Variants in USP26 observed in about 807,000 individuals in gnomAD.
USP26 encodes the protein ubiquitin carboxyl-terminal hydrolase 26.
For synonymous variants in USP26, 236 were observed against 240.6 expected, an observed-to-expected ratio of 0.98 and a Z score of 0.18; for missense variants, 649 against 642.3, an observed-to-expected ratio of 1.01 and a Z score of -0.11.
At chrX:133,037,781 T>C (rs777709476) in intron 5 of USP26, among the ~76,000 whole-genome samples, 1 of 112,098 alleles carries the variant, frequency 8.9e-6, no homozygotes, top group African/African-American at 3.2e-5. Flanking sequence ...GTCATGTTCA[T>C]ACTGATTCTT....
intron 5 of USP26, among the ~76,000 whole-genome samples, chrX:133,040,113 A>C (rs1386313505): frequency 9.0e-6 from 1 of 111,626 alleles, no homozygotes; most frequent in Non-Finnish European, 1.9e-5. Context: ...CCTCTTGAAT[A>C]CAGCACACTG....
intron 5 of USP26, among the ~76,000 whole-genome samples, chrX:133,043,744 A>G (rs1474447533): frequency 9.0e-6 from 1 of 111,562 alleles, no homozygotes; most frequent in East Asian, 2.8e-4. Flanking sequence ...CATCTCTACG[A>G]AAAATAGAAA....
chrX:133,085,497 A>C, intron 4 of USP26, among the ~76,000 whole-genome samples: 1 of 111,705 alleles, frequency 9.0e-6, no homozygotes, highest in Non-Finnish European at 1.9e-5. Context: ...CATCAAGCCA[A>C]ATGAACAGAA....
intron 5 of USP26, among the ~76,000 whole-genome samples, chrX:133,057,209 C>A (rs2067478436): frequency 9.0e-6 from 1 of 111,640 alleles, no homozygotes; most frequent in Non-Finnish European, 1.9e-5. Context: ...TTAAGCCCTG[C>A]ATGCATTAGG....
intron 4 of USP26, among the ~76,000 whole-genome samples, chrX:133,087,312 A>T (rs2067593070): frequency 8.9e-6 from 1 of 112,498 alleles, no homozygotes; most frequent in Non-Finnish European, 1.9e-5. Flanking sequence ...TAGAACAAAT[A>T]TGGATATTTT....
intron 5 of USP26, among the ~76,000 whole-genome samples, chrX:133,077,851 G>A (rs764220819): frequency 1.9e-4 from 21 of 111,717 alleles, no homozygotes; most frequent in Non-Finnish European, 3.0e-4. Flanking sequence ...AGAGGCCAAG[G>A]CGGGCAGATC....
chrX:133,080,006 G>T (rs2067564382), intron 5 of USP26, among the ~76,000 whole-genome samples: 1 of 111,356 alleles, frequency 9.0e-6, no homozygotes, highest in African/African-American at 3.3e-5. Flanking sequence ...TATGGAATTA[G>T]TGTCCAGAGG....
chrX:133,047,039 G>A (rs971520477), intron 5 of USP26, among the ~76,000 whole-genome samples: 10 of 111,890 alleles, frequency 8.9e-5, no homozygotes, highest in East Asian at 8.4e-4. Flanking sequence ...TACAGAAAGC[G>A]CCCAGCAGCC....
At chrX:133,042,999 A>G (rs1414523958) in intron 5 of USP26, among the ~76,000 whole-genome samples, 2 of 111,960 alleles carry the variant, frequency 1.8e-5, no homozygotes, top group African/African-American at 6.5e-5. Flanking sequence ...ACAGGAATCC[A>G]GGAAAGGTAC....
Position 133,080,341 on chromosome X carries a change from G to T in USP26, c.-77+3366C>A, listed in dbSNP as rs1350166149. On this transcript the variant is annotated intron_variant, in intron 5 of 5. Transcript: ENST00000511190. ...AGAAAAAGACACTGACAAATGTAAG[G>T]AATTAAAATTTTAAATTCAGCTAAG... Among the ~76,000 whole-genome samples, 4 of 111,270 alleles carry T rather than the reference G, an allele frequency of 3.6e-5. No homozygotes were observed. The East Asian group carries it at 8.5e-4, about 24-fold the overall frequency.
chrX:133,058,825 T>C (rs111246293), intron 5 of USP26, among the ~76,000 whole-genome samples: 1,686 of 111,426 alleles, frequency 0.015, 16 homozygotes, highest in African/African-American at 0.053. Flanking sequence ...TTTTTTCTTT[T>C]TGAGATAGAG....
chrX:133,026,378 T>C lies in USP26; in HGVS notation c.1843A>G (p.Thr615Ala), dbSNP rs1383025853. 1.7e-6 allele frequency: 2 copies of C among 1,207,685 alleles called. No homozygotes were observed. The highest frequency in any genetic ancestry group is 2.2e-6 in the Non-Finnish European group (2 of 894,573). Reference protein sequence around the residue: ...DKESEQKKGQTVFKGASRRQQ... With the variant: ...DKESEQKKGQAVFKGASRRQQ... ...CTTCTGCTTGCCCCTTTAAAGACTGTCTGGCCTTTTTTTTGTTCAGACTCC... is the reference window on the plus strand; with the variant it reads ...CTTCTGCTTGCCCCTTTAAAGACTGCCTGGCCTTTTTTTTGTTCAGACTCC... Residue 615 changes from threonine to alanine, a missense_variant, in exon 6 of 6, where the codon ACA (threonine) becomes GCA (alanine). By Grantham distance (58) the Thr-to-Ala change is moderately conservative. Transcript: ENST00000511190.
chrX:133,045,966 A>G (rs1265715002), intron 5 of USP26: 1 of 112,309 alleles, frequency 8.9e-6, no homozygotes, highest in Non-Finnish European at 1.9e-5. Flanking sequence ...AAAGGTATTG[A>G]TCCAACTACG....
At chrX:133,054,554 A>G (rs1347696363) in intron 5 of USP26, among the ~76,000 whole-genome samples, 1 of 111,533 alleles carries the variant, frequency 9.0e-6, no homozygotes, top group African/African-American at 3.3e-5. Context: ...CATCTTAACA[A>G]TTCGCTGGAA....
intron 5 of USP26, among the ~76,000 whole-genome samples, chrX:133,076,778 A>G (rs1284827532): frequency 8.9e-6 from 1 of 111,830 alleles, no homozygotes; most frequent in Non-Finnish European, 1.9e-5. Flanking sequence ...TGATCTTGGA[A>G]GCAGATCTTC....
At chrX:133,096,391 G>C (rs890788313) in intron 1 of USP26, among the ~76,000 whole-genome samples, 2 of 111,068 alleles carry the variant, frequency 1.8e-5, no homozygotes, top group Non-Finnish European at 3.8e-5. Flanking sequence ...GCACTGACCA[G>C]ACAACATTTT....
In USP26 at chrX:133,025,454, C is replaced by T. The variant is rs766576577; in HGVS notation, c.*25G>A. 1 of 1,210,231 alleles carries T rather than the reference C, an allele frequency of 8.3e-7. No homozygotes were observed. The highest frequency in any genetic ancestry group is 2.2e-5 in the Admixed American group (1 of 45,906). On this transcript the variant is annotated 3_prime_UTR_variant, in exon 6 of 6. Coordinates refer to ENST00000511190, the MANE Select transcript of USP26 (RefSeq NM_031907.3). ...TATCGAGTGAGACAGTCAGGCAGAT[C>T]TGTACAAGGAGGAGTACGTTCCTCT...
At position 133,026,884 on chromosome X, in the gene USP26, A is replaced by G. The variant is rs754974572; in HGVS notation, c.1337T>C (p.Ile446Thr). The change falls in exon 6 of 6, where the codon ATT (isoleucine) becomes ACT (threonine). Residue 446 changes from isoleucine (I) to threonine (T), a missense_variant. Coordinates refer to ENST00000511190, the MANE Select transcript of USP26 (RefSeq NM_031907.3). ...TNFELELLHS[I>T]ACKACGQVIL... ...AACCTGACCACAAGCTTTACAAGCA[A>G]TGGAGTGCAACAACTCTAACTCAAA... 7 of 1,209,725 alleles carry G rather than the reference A, an allele frequency of 5.8e-6. No homozygotes were observed. In the African/African-American group the frequency reaches 1.2e-4, roughly 21 times the overall value.
At chrX:133,063,081 T>C (rs1247810362) in intron 5 of USP26, among the ~76,000 whole-genome samples, 1 of 111,111 alleles carries the variant, frequency 9.0e-6, no homozygotes, top group African/African-American at 3.3e-5. Flanking sequence ...TTGTGAAGCA[T>C]ACACAAGTAT....
Sources: allele counts gnomAD v4.1 joint callset (sites outside exome capture counted in the v4.1 genomes callset), GRCh38; gene constraint gnomAD v4.1.1; transcripts MANE v1.5; gene names NCBI Gene and HGNC (gene_info 2026-07-23, HGNC 2026-07-21).